The following ANKHD1 variants were observed in gnomAD, a reference collection of about 807,000 sequenced individuals.
The protein encoded by ANKHD1 is ankyrin repeat and KH domain containing 1.
ANKHD1 carries 31 observed loss-of-function variants against 230.5 expected under a neutral mutation model. The observed-to-expected ratio is 0.13, with a 90% confidence interval of 0.10 to 0.18. The LOEUF (loss-of-function observed/expected upper bound fraction) is 0.18, where lower values mean the gene tolerates loss of function less well. ANKHD1 is among the 10% of genes least tolerant of loss of function. The pLI, the probability that ANKHD1 is intolerant of heterozygous loss-of-function variation, is 1.00. For synonymous variants in ANKHD1, 1,074 were observed against 1,117.6 expected (o/e 0.96, Z 0.78); for missense variants, 2,256 against 3,071.3 (o/e 0.73, Z 6.27).
rs556300761 is a variant in ANKHD1, at chr5:140,428,035, A to T, written c.307-8069A>T. On this transcript the variant is annotated intron_variant, in intron 1 of 33. Coordinates refer to ENST00000360839, the MANE Select transcript of ANKHD1 (RefSeq NM_017747.3). ...AGAGGCACTCCCCACATCCCGGACGATGGGCAGCCGGGCAGAGACGCTCCT... is the reference window on the plus strand; with the variant it reads ...AGAGGCACTCCCCACATCCCGGACGTTGGGCAGCCGGGCAGAGACGCTCCT... Among the ~76,000 whole-genome samples the T allele has an allele frequency of 5.1e-4, 76 of 149,544 alleles. 2 individuals carry two copies. The South Asian group carries it at 0.016, about 32-fold the overall frequency.
intron 7 of ANKHD1, among the ~76,000 whole-genome samples, chr5:140,456,627 A>G (rs982879154): frequency 2.6e-5 from 4 of 152,242 alleles, no homozygotes; most frequent in Non-Finnish European, 4.4e-5. Flanking sequence ...TTCCCTATTT[A>G]ATACATGGTG....
chr5:140,471,160 T>A (rs1010785144), intron 10 of ANKHD1, among the ~76,000 whole-genome samples: 1 of 152,162 alleles, frequency 6.6e-6, no homozygotes, highest in Non-Finnish European at 1.5e-5. Context: ...CATTTCAGAT[T>A]TCAGGTTTTT....
At position 140,449,236 on chromosome 5, in the gene ANKHD1, A is replaced by G. The variant is rs1047896095; in HGVS notation, c.1173A>G (p.Leu391=). Residue 391 remains leucine (L), a synonymous_variant, in exon 7 of 34, where the codon CTA becomes CTG. Transcript: ENST00000360839. ...GCCATTTGGATATGGTTCGCTTTCT[A>G]CTTGAAGCTGGTGCAGATCAAGAGC... ...YKGHLDMVRF[L]LEAGADQEHK... 3.7e-6 allele frequency: 6 copies of G among 1,613,444 alleles called. No homozygotes were observed. Among genetic ancestry groups the G allele is most frequent in the African/African-American group, 1.3e-5 (1 of 74,908 alleles).
chr5:140,525,572 A>G (rs1052440630), intron 25 of ANKHD1, among the ~76,000 whole-genome samples: 2 of 152,166 alleles, frequency 1.3e-5, no homozygotes, highest in Non-Finnish European at 2.9e-5. Context: ...GGCCACAGTA[A>G]AAGATTTCTT....
At chr5:140,415,825 A>G (rs1032023493) in intron 1 of ANKHD1, among the ~76,000 whole-genome samples, 1 of 151,982 alleles carries the variant, frequency 6.6e-6, no homozygotes, top group African/African-American at 2.4e-5. Context: ...TCTAGGGTAC[A>G]TGTGCACAAC....
chr5:140,523,892 G>T (rs753985806), intron 24 of ANKHD1, among the ~76,000 whole-genome samples, 174 bp from the exon 25 acceptor site: 2 of 152,044 alleles, frequency 1.3e-5, no homozygotes, highest in African/African-American at 2.4e-5. Flanking sequence ...TTCCTTTGAA[G>T]TATAAAAGTT....
Position 140,537,596 on chromosome 5 carries a change from T to C in ANKHD1, c.7228+7T>C. The C allele has an allele frequency of 1.3e-6, 2 of 1,555,348 alleles. No homozygotes were observed. Among genetic ancestry groups the C allele is most frequent in the Non-Finnish European group, 1.7e-6 (2 of 1,150,854 alleles). On this transcript the variant is annotated splice_region_variant and intron_variant, in intron 31 of 33. Transcript: ENST00000360839. ...GGTGTCAATGCTGTGTCAGGTACAA[T>C]TGCCTTGCTCTCTCTCTGGAGGGAT...
chr5:140,435,120 C>T (rs1049780598), intron 1 of ANKHD1, among the ~76,000 whole-genome samples: 1 of 152,140 alleles, frequency 6.6e-6, no homozygotes, highest in Non-Finnish European at 1.5e-5. Context: ...GCACTGTAAA[C>T]AAAGTACAGT....
At chr5:140,505,921 T>C in intron 18 of ANKHD1, 52 bp downstream of exon 18, 1 of 1,530,418 alleles carries the variant, frequency 6.5e-7, no homozygotes, top group Non-Finnish European at 8.7e-7. Flanking sequence ...TATTTTAAAA[T>C]ATGCATATGA....
At chr5:140,403,911 G>C (rs1432460400) in intron 1 of ANKHD1, among the ~76,000 whole-genome samples, 2 of 152,146 alleles carry the variant, frequency 1.3e-5, no homozygotes, top group African/African-American at 4.8e-5. Flanking sequence ...ACTGCAGTTA[G>C]TATACTGTCT....
chr5:140,460,132 T>C (rs961983057), intron 9 of ANKHD1, among the ~76,000 whole-genome samples: 2 of 152,162 alleles, frequency 1.3e-5, no homozygotes, highest in African/African-American at 4.8e-5. Context: ...TTTCTTGACA[T>C]TTCTAAGTCA....
At chr5:140,468,384 AGT>A (rs577566592) in intron 10 of ANKHD1, among the ~76,000 whole-genome samples, 160 of 152,242 alleles carry the variant, frequency 1.1e-3, no homozygotes, top group African/African-American at 3.8e-3. Flanking sequence ...CTGCTGACTG[AGT>A]GAACTATATT....
intron 4 of ANKHD1, 83 bp from the exon 5 acceptor site, chr5:140,440,912 C>A (rs935149932): frequency 2.9e-6 from 4 of 1,356,496 alleles, no homozygotes; most frequent in African/African-American, 3.0e-5. Flanking sequence ...AGAAGAATAT[C>A]TTCAGAGATT....
intron 14 of ANKHD1, 136 bp downstream of exon 14, chr5:140,487,196 G>A: frequency 2.0e-6 from 2 of 988,004 alleles, no homozygotes; most frequent in Non-Finnish European, 2.7e-6. Flanking sequence ...AATGCAAATA[G>A]TCTTACTATC....
chr5:140,472,088 A>C (rs1023170067), intron 10 of ANKHD1: 1 of 630,348 alleles, frequency 1.6e-6, no homozygotes, highest in Non-Finnish European at 2.7e-6. Flanking sequence ...TGCTCATGAC[A>C]TTACAGTCTC....
At chr5:140,432,800 T>C (rs1457053832) in intron 1 of ANKHD1, among the ~76,000 whole-genome samples, 1 of 152,170 alleles carries the variant, frequency 6.6e-6, no homozygotes, top group Non-Finnish European at 1.5e-5. Flanking sequence ...TTTGAACTTC[T>C]GGGCTCAAAT....
chr5:140,448,160 A>T (rs1047604500), intron 6 of ANKHD1, among the ~76,000 whole-genome samples: 1 of 152,188 alleles, frequency 6.6e-6, no homozygotes. Context: ...TGATCATGCC[A>T]CTGGACTATA....
At chr5:140,452,198 T>G (rs1774801559) in intron 7 of ANKHD1, among the ~76,000 whole-genome samples, 1 of 152,068 alleles carries the variant, frequency 6.6e-6, no homozygotes, top group Admixed American at 6.6e-5. Flanking sequence ...TGCTGAGGCT[T>G]AAGTAGGTAA....
chr5:140,493,873 A>T (rs905205735), intron 14 of ANKHD1, among the ~76,000 whole-genome samples: 1 of 152,276 alleles, frequency 6.6e-6, no homozygotes, highest in East Asian at 1.9e-4. Context: ...CTGTCCTCAA[A>T]ATTCTACTCT....
Sources: allele counts gnomAD v4.1 joint callset (sites outside exome capture counted in the v4.1 genomes callset), GRCh38; gene constraint gnomAD v4.1.1; transcripts MANE v1.5; gene names NCBI Gene and HGNC (gene_info 2026-07-23, HGNC 2026-07-21).